The following LGSN variants were observed in gnomAD, a reference collection of about 807,000 sequenced individuals.
The protein encoded by LGSN is lengsin, lens protein with glutamine synthetase domain.
In LGSN, 21 loss-of-function variants were observed where a neutral mutation model predicts 19.5. The observed-to-expected ratio is 1.07, with a 90% CI of 0.76 to 1.55. The LOEUF (loss-of-function observed/expected upper bound fraction) is 1.55. Ranked by LOEUF, LGSN falls within the 40% of genes most tolerant of loss-of-function variation. The probability of loss-of-function intolerance (pLI) is 0.00; values close to 1 mark genes in which losing one functional copy is unlikely to be tolerated. For missense variants in LGSN, 673 were observed against 608.5 expected, an observed-to-expected ratio of 1.11 and a Z score of -1.12; for synonymous variants, 257 against 215.6, an observed-to-expected ratio of 1.19 and a Z score of -1.68.
upstream of LGSN, among the ~76,000 whole-genome samples, chr6:63,321,737 T>C (rs929880522): frequency 6.6e-6 from 1 of 152,156 alleles, no homozygotes; most frequent in African/African-American, 2.4e-5. Context: ...CAAATGTCAG[T>C]AAAGGGCTTA....
At chr6:63,408,031 G>A in the LGSN span, among the ~76,000 whole-genome samples, 1 of 152,078 alleles carries the variant, frequency 6.6e-6, no homozygotes, top group Non-Finnish European at 1.5e-5. Context: ...AATAAAAGAG[G>A]ATACAAGGAA....
chr6:63,313,778 G>A (rs1229871736), intron 1 of LGSN, among the ~76,000 whole-genome samples: 1 of 152,114 alleles, frequency 6.6e-6, no homozygotes, highest in African/African-American at 2.4e-5. Context: ...GGAGGTTGCA[G>A]TGAGCCAAGA....
At chr6:63,570,808 T>G in the LGSN span, among the ~76,000 whole-genome samples, 2 of 152,218 alleles carry the variant, frequency 1.3e-5, no homozygotes, top group Non-Finnish European at 2.9e-5. Context: ...ACCCTACCCA[T>G]GAAGTATCAC....
the LGSN span, among the ~76,000 whole-genome samples, chr6:63,449,053 A>G: frequency 6.6e-6 from 1 of 152,226 alleles, no homozygotes; most frequent in Non-Finnish European, 1.5e-5. Flanking sequence ...TGCAAATACT[A>G]CGCCATTTTA....
the LGSN span, among the ~76,000 whole-genome samples, chr6:63,360,601 C>G: frequency 1.9e-4 from 29 of 152,348 alleles, no homozygotes; most frequent in Non-Finnish European, 3.5e-4. Flanking sequence ...TGGGTTCGAA[C>G]TTCCTCCTTT....
At chr6:63,332,285 A>G in the LGSN span, among the ~76,000 whole-genome samples, 2 of 152,202 alleles carry the variant, frequency 1.3e-5, no homozygotes, top group African/African-American at 4.8e-5. Context: ...AGAGACAGGT[A>G]GCAATTTTTA....
the LGSN span, among the ~76,000 whole-genome samples, chr6:63,445,015 G>A: frequency 2.0e-5 from 3 of 152,174 alleles, no homozygotes; most frequent in Admixed American, 2.0e-4. Context: ...AGACACTCTT[G>A]TATAAGAATC....
the LGSN span, among the ~76,000 whole-genome samples, chr6:63,401,542 G>T: frequency 6.6e-6 from 1 of 152,162 alleles, no homozygotes; most frequent in African/African-American, 2.4e-5. Context: ...AAATTTTGAG[G>T]TTATGTAAAA....
At chr6:63,410,212 C>T in the LGSN span, among the ~76,000 whole-genome samples, 1 of 152,078 alleles carries the variant, frequency 6.6e-6, no homozygotes, top group African/African-American at 2.4e-5. Context: ...ACAGGTTTGA[C>T]ACATACAAAG....
the LGSN span, among the ~76,000 whole-genome samples, chr6:63,350,924 A>G: frequency 1.3e-5 from 2 of 152,162 alleles, no homozygotes; most frequent in African/African-American, 4.8e-5. Flanking sequence ...ATCCTAATAA[A>G]AAAGAATTTG....
the LGSN span, among the ~76,000 whole-genome samples, chr6:63,401,601 G>A: frequency 2.6e-5 from 4 of 152,092 alleles, no homozygotes; most frequent in South Asian, 2.1e-4. Context: ...AATTTAAACC[G>A]ATGTATTCAT....
At chr6:63,398,362 G>A in the LGSN span, among the ~76,000 whole-genome samples, 1 of 151,952 alleles carries the variant, frequency 6.6e-6, no homozygotes, top group Non-Finnish European at 1.5e-5. Context: ...TGTGGAGGAG[G>A]AAGACAATGA....
At chr6:63,317,201 T>C (rs1407288511) in intron 1 of LGSN, among the ~76,000 whole-genome samples, 1 of 152,214 alleles carries the variant, frequency 6.6e-6, no homozygotes, top group South Asian at 2.1e-4. Flanking sequence ...ATGTAATGAA[T>C]GACTCCTTTT....
Position 63,281,193 on chromosome 6 carries a change from G to A in LGSN, c.358C>T (p.Pro120Ser), listed in dbSNP as rs756416014. 5.6e-6 allele frequency: 9 copies of A among 1,600,236 alleles called. No individual in the cohort carries two copies. Among genetic ancestry groups the A allele is most frequent in the Non-Finnish European group, 6.8e-6 (8 of 1,173,236 alleles). ...QEKVSHGVCM[P>S]RGYLEVIPNP... ...GGTATCACTTCAAGATAACCTCGGGGCATGCAAACACCATGGCTCACTTTC... is the reference window on the plus strand; with the variant it reads ...GGTATCACTTCAAGATAACCTCGGGACATGCAAACACCATGGCTCACTTTC... The change falls in exon 4 of 4, where the codon CCC (proline) becomes TCC (serine). Residue 120 changes from proline (P) to serine (S), a missense_variant. By Grantham distance (74) the Pro-to-Ser change is moderately conservative. Transcript: ENST00000370657.
At chr6:63,315,243 A>G (rs990293205) in intron 1 of LGSN, among the ~76,000 whole-genome samples, 3 of 152,190 alleles carry the variant, frequency 2.0e-5, no homozygotes, top group East Asian at 1.9e-4. Context: ...TTTGACTCAG[A>G]CTTCTCCTTT....
the LGSN span, among the ~76,000 whole-genome samples, chr6:63,432,699 A>T: frequency 6.6e-6 from 1 of 152,056 alleles, no homozygotes; most frequent in South Asian, 2.1e-4. Context: ...CTCGAAAAAA[A>T]AAAAAGAAAA....
At chr6:63,449,894 A>G in the LGSN span, among the ~76,000 whole-genome samples, 5 of 152,196 alleles carry the variant, frequency 3.3e-5, no homozygotes, top group African/African-American at 9.6e-5. Flanking sequence ...GTCACATAAT[A>G]ACATAAACAC....
chr6:63,457,840 C>A, the LGSN span, among the ~76,000 whole-genome samples: 2 of 152,086 alleles, frequency 1.3e-5, no homozygotes, highest in Non-Finnish European at 2.9e-5. Context: ...GATTGCACCA[C>A]TGCACTCGAG....
At chr6:63,295,415 T>A (rs1187280564) in intron 1 of LGSN, among the ~76,000 whole-genome samples, 2 of 152,222 alleles carry the variant, frequency 1.3e-5, no homozygotes, top group Non-Finnish European at 2.9e-5. Flanking sequence ...TTTTATGATT[T>A]CTATTTTTTA....
Sources: gnomAD v4.1 joint callset for allele counts (sites outside exome capture counted in the v4.1 genomes callset) on GRCh38, gnomAD v4.1.1 for gene constraint, MANE v1.5 for transcripts, NCBI Gene and HGNC (gene_info 2026-07-23, HGNC 2026-07-21) for gene names.